SH3GL3: variants seen among roughly 807,000 people sequenced by gnomAD.
SH3GL3 encodes endophilin-A3.
In SH3GL3, 33 loss-of-function variants were observed where a neutral mutation model predicts 47.7. The ratio of observed to expected loss-of-function variants is 0.69; its 90% confidence interval spans 0.52 to 0.92. The LOEUF (loss-of-function observed/expected upper bound fraction) is 0.92, where lower values mean the gene tolerates loss of function less well. Ranked by LOEUF, SH3GL3 falls within the 40% of genes least tolerant of loss-of-function variation. The pLI is 0.00. For missense variants in SH3GL3, 363 were observed against 417.8 expected, an observed-to-expected ratio of 0.87 and a Z score of 1.14; for synonymous variants, 155 against 148.8, an observed-to-expected ratio of 1.04 and a Z score of -0.30.
chr15:83,522,493 A>C (rs1343651313), intron 1 of SH3GL3, among the ~76,000 whole-genome samples: 2 of 152,166 alleles, frequency 1.3e-5, no homozygotes, highest in Non-Finnish European at 2.9e-5. Context: ...TTGATAAAGG[A>C]AGAGGCAGGT....
At chr15:83,557,751 A>T (rs1021075243) in intron 1 of SH3GL3, among the ~76,000 whole-genome samples, 1 of 152,204 alleles carries the variant, frequency 6.6e-6, no homozygotes, top group African/African-American at 2.4e-5. Flanking sequence ...GTAGAAGCAC[A>T]CAAGATCTCT....
intron 1 of SH3GL3, among the ~76,000 whole-genome samples, chr15:83,547,774 CT>C (rs35952829): frequency 0.26 from 34,952 of 132,378 alleles, 4,382 homozygotes; most frequent in Middle Eastern, 0.35. Flanking sequence ...TATAGTGTAG[CT>C]TTTTTTTTTT....
intron 1 of SH3GL3, among the ~76,000 whole-genome samples, chr15:83,474,531 G>A (rs2041003554): frequency 6.6e-6 from 1 of 151,288 alleles, no homozygotes; most frequent in African/African-American, 2.4e-5. Flanking sequence ...TTTTTTCAGA[G>A]TCTTAGGTAA....
intron 8 of SH3GL3, among the ~76,000 whole-genome samples, chr15:83,616,497 C>T (rs1279910894): frequency 6.6e-6 from 1 of 152,140 alleles, no homozygotes; most frequent in Non-Finnish European, 1.5e-5. Context: ...CCGCCTCAGC[C>T]TCCCAAAGTG....
chr15:83,589,667 G>T (rs1477044749), intron 8 of SH3GL3, among the ~76,000 whole-genome samples: 3 of 152,206 alleles, frequency 2.0e-5, no homozygotes. Context: ...ATGAGCCACT[G>T]TACCCAGCCT....
At chr15:83,588,962 A>G (rs1419142170) in intron 8 of SH3GL3, among the ~76,000 whole-genome samples, 191 bp downstream of exon 8, 1 of 152,184 alleles carries the variant, frequency 6.6e-6, no homozygotes, top group Non-Finnish European at 1.5e-5. Flanking sequence ...TCTATCACTT[A>G]TATAATGTAG....
At chr15:83,625,081 A>C in the SH3GL3 span, among the ~76,000 whole-genome samples, 2 of 152,070 alleles carry the variant, frequency 1.3e-5, no homozygotes, top group East Asian at 3.9e-4. Flanking sequence ...CAAGATGGTG[A>C]AACCCCATCT....
At position 83,568,651 on chromosome 15, in the gene SH3GL3, C is replaced by G; in HGVS notation, c.310C>G (p.Leu104Val). Residue 104 changes from leucine (L) to valine (V), a missense_variant, in exon 4 of 9, where the codon CTC becomes GTC. Coordinates refer to ENST00000427482, the MANE Select transcript of SH3GL3 (RefSeq NM_003027.5). ...CTGTATGCTGAAATACGGGAAGGAG[C>G]TCGGGGAAGACTCCACCTTTGGTGA... ...GDCMLKYGKE[L>V]GEDSTFGNAL... The G allele has an allele frequency of 1.9e-6, 3 of 1,613,728 alleles. No homozygotes were observed. Among genetic ancestry groups the G allele is most frequent in the Non-Finnish European group, 2.5e-6 (3 of 1,179,708 alleles).
chr15:83,573,230 A>G (rs543720730), intron 5 of SH3GL3, among the ~76,000 whole-genome samples: 2 of 152,284 alleles, frequency 1.3e-5, no homozygotes, highest in South Asian at 2.1e-4. Flanking sequence ...CAGCCCCAAG[A>G]CTTCTACCCC....
intron 1 of SH3GL3, among the ~76,000 whole-genome samples, chr15:83,507,390 C>A (rs1012558315): frequency 6.6e-6 from 1 of 151,268 alleles, no homozygotes. Flanking sequence ...CATCTTGGAT[C>A]TTCCAGGTAT....
intron 1 of SH3GL3, among the ~76,000 whole-genome samples, chr15:83,527,750 G>A (rs929354706): frequency 2.0e-5 from 3 of 152,046 alleles, no homozygotes; most frequent in African/African-American, 7.2e-5. Flanking sequence ...TCATAATTTT[G>A]TTAATTGTCA....
At chr15:83,624,801 G>A in the SH3GL3 span, among the ~76,000 whole-genome samples, 1 of 152,166 alleles carries the variant, frequency 6.6e-6, no homozygotes, top group African/African-American at 2.4e-5. Context: ...CAGGCATGGT[G>A]GTGTGCAAGC....
chr15:83,618,171 G>T lies in SH3GL3; in HGVS notation c.928G>T (p.Asp310Tyr). Reference sequence around the variant, plus strand: ...AGGAGAATTAGGATTTAAAGAAGGGGACATCATTACATTAACCAATCAAAT... The same window carrying T: ...AGGAGAATTAGGATTTAAAGAAGGGTACATCATTACATTAACCAATCAAAT... ...NQGELGFKEG[D>Y]IITLTNQIDE... The change falls in exon 9 of 9, where the codon GAC becomes TAC. Residue 310 changes from aspartate to tyrosine, a missense_variant. Transcript: ENST00000427482. 1 of 1,610,510 alleles carries T rather than the reference G, an allele frequency of 6.2e-7. No individual in the cohort carries two copies. Among genetic ancestry groups the T allele is most frequent in the Non-Finnish European group, 8.5e-7 (1 of 1,176,640 alleles).
rs1374080380 is a variant in SH3GL3 at position 83,448,486 on chromosome 15, G to A, written c.45+908G>A. 6.7e-6 allele frequency among the ~76,000 whole-genome samples: 1 copy of A among 148,750 alleles called. No individual in the cohort carries two copies. Among genetic ancestry groups the A allele is most frequent in the Non-Finnish European group, 1.5e-5 (1 of 67,222 alleles). ...TGTGTGTGTGTGTGTGTGTGTTGAT[G>A]ACAAGCAAATTTGTTTTTCAACATC... On this transcript the variant is annotated intron_variant, in intron 1 of 8. Coordinates refer to ENST00000427482, the MANE Select transcript of SH3GL3 (RefSeq NM_003027.5). This position sits in a 1 kb window ranked among gnomAD's most constrained non-coding sequence, Gnocchi z 4.2.
At chr15:83,624,619 G>A in the SH3GL3 span, among the ~76,000 whole-genome samples, 1 of 152,294 alleles carries the variant, frequency 6.6e-6, no homozygotes, top group South Asian at 2.1e-4. Context: ...TTAAGATGCT[G>A]AATTACTGGG....
At chr15:83,509,509 A>C (rs900952220) in intron 1 of SH3GL3, among the ~76,000 whole-genome samples, 2 of 152,238 alleles carry the variant, frequency 1.3e-5, no homozygotes, top group Admixed American at 6.5e-5. Context: ...TAGTGGGAGA[A>C]AGGAAGAACT....
At chr15:83,629,506 C>T in the SH3GL3 span, among the ~76,000 whole-genome samples, 1 of 152,058 alleles carries the variant, frequency 6.6e-6, no homozygotes, top group Non-Finnish European at 1.5e-5. Context: ...TACTTCACAC[C>T]ATACATAAAA....
At chr15:83,560,515 C>G (rs929078545) in intron 2 of SH3GL3, among the ~76,000 whole-genome samples, 2 of 152,152 alleles carry the variant, frequency 1.3e-5, no homozygotes, top group African/African-American at 4.8e-5. Flanking sequence ...AGCTTTGTTA[C>G]TAACAAAATG....
At chr15:83,627,124 C>A in the SH3GL3 span, among the ~76,000 whole-genome samples, 358 of 152,120 alleles carry the variant, frequency 2.4e-3, no homozygotes, top group Admixed American at 4.5e-3. Flanking sequence ...GGGCTGGGCG[C>A]GGTGGCTCAC....
Sources: allele counts gnomAD v4.1 joint callset (sites outside exome capture counted in the v4.1 genomes callset), GRCh38; gene constraint gnomAD v4.1.1; non-coding constraint Gnocchi (gnomAD v3.1); transcripts MANE v1.5; gene names NCBI Gene and HGNC (gene_info 2026-07-23, HGNC 2026-07-21).